CADPS2: variants seen among roughly 807,000 people sequenced by gnomAD.
The protein encoded by CADPS2 is calcium dependent secretion activator 2, also known as calcium-dependent secretion activator 2.
In CADPS2, 93 loss-of-function variants were observed where a neutral mutation model predicts 172.5. The ratio of observed to expected loss-of-function variants is 0.54; its 90% confidence interval spans 0.46 to 0.64. The LOEUF (loss-of-function observed/expected upper bound fraction) is 0.64, where lower values mean the gene tolerates loss of function less well. CADPS2 is among the 30% of genes least tolerant of loss of function. The pLI is 0.00. For synonymous variants in CADPS2, 546 were observed against 555.2 expected, an observed-to-expected ratio of 0.98 and a Z score of 0.23; for missense variants, 1,420 against 1,565.9, an observed-to-expected ratio of 0.91 and a Z score of 1.57.
intron 19 of CADPS2, among the ~76,000 whole-genome samples, chr7:122,411,298 G>A (rs1389358605): frequency 6.7e-6 from 1 of 148,912 alleles, no homozygotes; most frequent in Non-Finnish European, 1.5e-5. Flanking sequence ...TCGGCTCACT[G>A]CAACCTCTGC....
chr7:122,529,461 G>A (rs2061568416), intron 8 of CADPS2, among the ~76,000 whole-genome samples: 2 of 151,880 alleles, frequency 1.3e-5, no homozygotes, highest in Non-Finnish European at 2.9e-5. Context: ...TAAAACTAGG[G>A]ATAAAGACTA....
chr7:122,651,258 T>TG (rs1029407649), intron 3 of CADPS2, among the ~76,000 whole-genome samples: 1 of 71,254 alleles, frequency 1.4e-5, no homozygotes, highest in African/African-American at 4.9e-5. Flanking sequence ...GGCTACTAGT[T>TG]GGAAAAAAAA....
At chr7:122,388,860 T>A in intron 22 of CADPS2, 122 bp from the exon 23 acceptor site, 1 of 868,670 alleles carries the variant, frequency 1.2e-6, no homozygotes, top group Non-Finnish European at 1.6e-6. Flanking sequence ...ATAAAGTCTC[T>A]AATGATCCAA....
In CADPS2 at chr7:122,407,539, C is replaced by G; in HGVS notation, c.2746+1G>C. 6.2e-7 allele frequency: 1 copy of G among 1,609,028 alleles called. No homozygotes were observed. Among genetic ancestry groups the G allele is most frequent in the Non-Finnish European group, 8.5e-7 (1 of 1,178,140 alleles). ...ATATGAAAGAAAACGCAAATGCTCACTGTCATTTCGGAGGAAATTATTAAG... is the reference window on the plus strand; with the variant it reads ...ATATGAAAGAAAACGCAAATGCTCAGTGTCATTTCGGAGGAAATTATTAAG... On this transcript the variant is annotated splice_donor_variant, in intron 20 of 29. Transcript: ENST00000449022. LOFTEE classifies it high-confidence loss of function.
intron 7 of CADPS2, among the ~76,000 whole-genome samples, chr7:122,565,616 G>A (rs370474828): frequency 1.3e-5 from 2 of 152,172 alleles, no homozygotes; most frequent in Admixed American, 6.5e-5. Context: ...CTCATACAAC[G>A]CATATAATAC....
chr7:122,569,054 GA>G (rs1340114862), intron 7 of CADPS2, among the ~76,000 whole-genome samples: 2 of 152,068 alleles, frequency 1.3e-5, no homozygotes, highest in African/African-American at 4.8e-5. Context: ...GAGAAAGAAA[GA>G]AAGTGTATCC....
intron 11 of CADPS2, among the ~76,000 whole-genome samples, chr7:122,488,270 C>CG (rs2152296372): frequency 6.6e-6 from 1 of 152,184 alleles, no homozygotes; most frequent in South Asian, 2.1e-4. Context: ...AAGTTCTACC[C>CG]GGGGTTGAGG....
intron 1 of CADPS2, among the ~76,000 whole-genome samples, chr7:122,866,967 T>C (rs1166185541): frequency 6.6e-6 from 1 of 152,148 alleles, no homozygotes; most frequent in Non-Finnish European, 1.5e-5. Flanking sequence ...TGCACAACTT[T>C]GCTGCTTTTT....
intron 9 of CADPS2, among the ~76,000 whole-genome samples, chr7:122,498,356 G>A (rs1167376549): frequency 1.3e-5 from 2 of 152,032 alleles, no homozygotes; most frequent in African/African-American, 2.4e-5. Context: ...AATACTTATT[G>A]TATTTCTTAT....
chr7:122,372,590 C>G (rs957316010), intron 25 of CADPS2, among the ~76,000 whole-genome samples: 1 of 152,042 alleles, frequency 6.6e-6, no homozygotes, highest in Non-Finnish European at 1.5e-5. Flanking sequence ...TTATTTTTAT[C>G]CAGATGTAGC....
At chr7:122,619,778 A>C (rs1281952285) in intron 5 of CADPS2, among the ~76,000 whole-genome samples, 1 of 152,216 alleles carries the variant, frequency 6.6e-6, no homozygotes, top group East Asian at 1.9e-4. Context: ...AATAATGAGG[A>C]AATTCTATAG....
At chr7:122,796,861 G>T (rs2139825242) in intron 1 of CADPS2, among the ~76,000 whole-genome samples, 1 of 152,150 alleles carries the variant, frequency 6.6e-6, no homozygotes, top group East Asian at 1.9e-4. Flanking sequence ...AACAAAAACT[G>T]ATGAATGGGA....
intron 1 of CADPS2, among the ~76,000 whole-genome samples, chr7:122,873,210 T>C (rs1245046981): frequency 6.6e-6 from 1 of 152,194 alleles, no homozygotes; most frequent in Non-Finnish European, 1.5e-5. Context: ...TTTTAAGTTC[T>C]GGGATACATG....
chr7:122,579,998 A>T (rs983139177), intron 7 of CADPS2, among the ~76,000 whole-genome samples: 6 of 152,132 alleles, frequency 3.9e-5, no homozygotes, highest in African/African-American at 1.4e-4. Flanking sequence ...TCAGTTTTTT[A>T]AAAAATTTCT....
intron 12 of CADPS2, among the ~76,000 whole-genome samples, chr7:122,479,094 T>G (rs1163333340): frequency 2.0e-5 from 3 of 152,082 alleles, no homozygotes; most frequent in Admixed American, 6.6e-5. Flanking sequence ...AAGGAGGCCA[T>G]TTTTTAGCAT....
chr7:122,840,839 T>G (rs1326227860), intron 1 of CADPS2, among the ~76,000 whole-genome samples: 1 of 152,078 alleles, frequency 6.6e-6, no homozygotes, highest in Non-Finnish European at 1.5e-5. Flanking sequence ...GCAGAAATAA[T>G]AAATATCTAC....
intron 17 of CADPS2, among the ~76,000 whole-genome samples, chr7:122,429,880 GTT>G (rs34791066): frequency 1.0e-4 from 15 of 146,944 alleles, no homozygotes; most frequent in African/African-American, 3.0e-4. Context: ...AAACTGTGCA[GTT>G]TTTTTTTTTA....
chr7:122,380,927 CG>C (rs541293507), intron 24 of CADPS2, among the ~76,000 whole-genome samples: 100 of 151,848 alleles, frequency 6.6e-4, no homozygotes, highest in African/African-American at 2.2e-3. Flanking sequence ...AGAAGGAAAA[CG>C]GGAGAGAAAA....
intron 1 of CADPS2, chr7:122,849,598 A>G: frequency 4.2e-6 from 1 of 239,246 alleles, no homozygotes; most frequent in Non-Finnish European, 8.2e-6. Flanking sequence ...GCGTTAAGGA[A>G]TGTTGATTTA....
Sources: gnomAD v4.1 joint callset for allele counts (sites outside exome capture counted in the v4.1 genomes callset) on GRCh38, gnomAD v4.1.1 for gene constraint, MANE v1.5 for transcripts, NCBI Gene and HGNC (gene_info 2026-07-23, HGNC 2026-07-21) for gene names.